GET1: variants seen among roughly 807,000 people sequenced by gnomAD.
The protein encoded by GET1 is congenital heart disease 5 protein.
GET1 carries 20 observed loss-of-function variants against 22.6 expected under a neutral mutation model. The ratio of observed to expected loss-of-function variants is 0.89; its 90% CI spans 0.62 to 1.29. The LOEUF is 1.29. Ranked by LOEUF, GET1 falls within the 50% of genes most tolerant of loss-of-function variation. The pLI is 0.00. For missense variants in GET1, 209 were observed against 219.9 expected (o/e 0.95, Z 0.31); for synonymous variants, 92 against 83.8 (o/e 1.10, Z -0.53).
chr21:39,428,477 A>T (rs755068288), exon 2 of GET1: 10 of 1,605,738 alleles, frequency 6.2e-6, no homozygotes, highest in African/African-American at 1.3e-5. Flanking sequence ...TGTTTTTGTT[A>T]GATCAGCCAA....
Position 39,406,261 on chromosome 21 carries a change from T to C in GET1, c.*277T>C, listed in dbSNP as rs917529961. On this transcript the variant is annotated 3_prime_UTR_variant, in exon 5 of 5. Transcript: ENST00000415847. ...ATGACTGTACCTCATGTTGCCGGCA[T>C]TGGCTGGCCCCCCTGAAGCAGGAAG... 3.7e-6 allele frequency: 6 copies of C among 1,614,102 alleles called. No homozygotes were observed. Among genetic ancestry groups the C allele is most frequent in the East Asian group, 2.2e-5 (1 of 44,904 alleles).
chr21:39,418,253 G>A (rs914443898), intron 1 of GET1, among the ~76,000 whole-genome samples: 4 of 152,114 alleles, frequency 2.6e-5, no homozygotes, highest in African/African-American at 9.7e-5. Flanking sequence ...CCATATCAAG[G>A]ATATTACAGT....
At chr21:39,418,889 T>C (rs1288398369) in intron 1 of GET1, among the ~76,000 whole-genome samples, 1 of 152,162 alleles carries the variant, frequency 6.6e-6, no homozygotes, top group Non-Finnish European at 1.5e-5. Context: ...CCCAATTGTG[T>C]CTCCATATGT....
chr21:39,396,618 C>G (rs979475048), intron 4 of GET1, among the ~76,000 whole-genome samples: 6 of 138,238 alleles, frequency 4.3e-5, no homozygotes, highest in African/African-American at 1.7e-4. Flanking sequence ...GCCCGGGAGG[C>G]AGAGGTGCAG....
intron 1 of GET1, chr21:39,422,607 G>A (rs916290147): frequency 3.3e-5 from 11 of 333,344 alleles, no homozygotes; most frequent in African/African-American, 2.1e-4. Flanking sequence ...ACAGTTTAAG[G>A]TAGAGGGTTG....
chr21:39,398,766 G>A (rs61296051), downstream of GET1, among the ~76,000 whole-genome samples: 627 of 149,052 alleles, frequency 4.2e-3, 8 homozygotes, highest in African/African-American at 0.015. Context: ...GGCGCCCGCC[G>A]TCACGCCCAG....
downstream of GET1, among the ~76,000 whole-genome samples, chr21:39,398,978 G>A (rs2038771431): frequency 6.6e-6 from 1 of 152,202 alleles, no homozygotes; most frequent in Admixed American, 6.5e-5. Context: ...GACCTCAGCC[G>A]ATCCACCCGC....
rs146813981 is a variant in GET1, at chr21:39,424,989, T to C, written c.*24-3243T>C. On this transcript the variant is annotated intron_variant, in intron 1 of 1. Transcript: ENST00000478273. ...CTAGGAAGTGGTGAGACAGAGCCCA[T>C]TGTCTATGTGCCTATGCTAGTGCCC... is the stretch of plus-strand genomic sequence containing the variant. Among the ~76,000 whole-genome samples, 635 of 152,324 alleles carry C rather than the reference T, an allele frequency of 4.2e-3. 6 individuals are homozygous for C. The highest frequency in any genetic ancestry group is 0.015 in the African/African-American group (613 of 41,582).
chr21:39,416,648 A>G (rs1206250795), intron 1 of GET1, among the ~76,000 whole-genome samples: 9 of 148,186 alleles, frequency 6.1e-5, no homozygotes, highest in East Asian at 1.9e-4. Flanking sequence ...ATTTGACTCT[A>G]TCTTACTTCT....
intron 3 of GET1, 171 bp downstream of exon 3, chr21:39,392,007 A>C (rs2038332810): frequency 3.3e-6 from 2 of 608,856 alleles, no homozygotes; most frequent in African/African-American, 1.9e-5. Context: ...GTCAGACTAA[A>C]AGGAAGCCTT....
intron 1 of GET1, among the ~76,000 whole-genome samples, chr21:39,388,156 C>A (rs1415525613): frequency 2.0e-5 from 3 of 152,108 alleles, no homozygotes; most frequent in Admixed American, 2.0e-4. Context: ...TGGCGGATCG[C>A]TTGAGCTCAG....
intron 4 of GET1, among the ~76,000 whole-genome samples, chr21:39,403,516 C>CA (rs1445166251): frequency 6.9e-6 from 1 of 144,292 alleles, no homozygotes; most frequent in Non-Finnish European, 1.5e-5. Flanking sequence ...TTAGTAGAGA[C>CA]GGGGTTCACC....
chr21:39,392,466 G>C (rs1357291208), intron 3 of GET1, among the ~76,000 whole-genome samples: 1 of 151,996 alleles, frequency 6.6e-6, no homozygotes, highest in Non-Finnish European at 1.5e-5. Context: ...AGTTTGGCAG[G>C]GTATATTGAA....
At chr21:39,426,629 C>G (rs9979353) in intron 1 of GET1, among the ~76,000 whole-genome samples, 115,788 of 152,178 alleles carry the variant, frequency 0.76, 44,442 homozygotes, top group African/African-American at 0.84. Flanking sequence ...AGTGAAATAA[C>G]TAAAGATCTG....
At chr21:39,422,785 G>C in intron 1 of GET1, 1 of 596,878 alleles carries the variant, frequency 1.7e-6, no homozygotes, top group East Asian at 2.8e-5. Context: ...TCTAGTTTGA[G>C]CTGCTTCTGT....
Position 39,397,377 on chromosome 21 carries a change from C to A in GET1, c.*438C>A, listed in dbSNP as rs1019886203. The A allele has an allele frequency of 6.3e-6, 1 of 157,718 alleles. No individual in the cohort carries two copies. Among genetic ancestry groups the A allele is most frequent in the South Asian group, 1.9e-4 (1 of 5,364 alleles). The allele number at this position is 157,718 out of a possible 1,614,324, so 9.8% of individuals were successfully genotyped here. A position where few individuals can be genotyped will look rare whatever the true frequency, so the allele number is the denominator to read the frequency against. On this transcript the variant is annotated 3_prime_UTR_variant, in exon 5 of 5. Transcript: ENST00000649170. ...AATTTTAATACCACTACTAAAAATT[C>A]GAAAATTTCTTCTTTAATCACATTC...
At chr21:39,416,598 T>C (rs1601769045) in intron 1 of GET1, among the ~76,000 whole-genome samples, 1 of 152,190 alleles carries the variant, frequency 6.6e-6, no homozygotes, top group Non-Finnish European at 1.5e-5. Context: ...GAATATTGCA[T>C]ACTTTCACTT....
intron 1 of GET1, among the ~76,000 whole-genome samples, chr21:39,425,578 G>A (rs748121607): frequency 3.9e-5 from 6 of 152,300 alleles, no homozygotes; most frequent in South Asian, 2.1e-4. Flanking sequence ...GAAGGCCTGC[G>A]AAGAGGTGTC....
At chr21:39,406,715 C>T, downstream of GET1, 1 of 850,572 alleles carries the variant, frequency 1.2e-6, no homozygotes. Context: ...CACAAGCACA[C>T]TGAAATGACA....
Sources: allele counts gnomAD v4.1 joint callset (sites outside exome capture counted in the v4.1 genomes callset), GRCh38; gene constraint gnomAD v4.1.1; transcripts MANE v1.5; gene names NCBI Gene and HGNC (gene_info 2026-07-23, HGNC 2026-07-21).